PTPRG: variants seen among roughly 807,000 people sequenced by gnomAD.
PTPRG encodes the protein receptor-type tyrosine-protein phosphatase gamma.
A neutral mutation model predicts 165.3 loss-of-function variants in PTPRG; 102 were observed. The ratio of observed to expected loss-of-function variants is 0.62; its 90% CI spans 0.53 to 0.73. PTPRG has a LOEUF of 0.73. Among genes scored for constraint, PTPRG ranks in the 30% least tolerant of loss-of-function variants. The pLI, the probability that PTPRG is intolerant of heterozygous loss-of-function variation, is 0.00. For missense variants in PTPRG, 1,866 were observed against 1,861.4 expected (o/e 1.00, Z -0.05); for synonymous variants, 675 against 669.5 (o/e 1.01, Z -0.13).
intron 1 of PTPRG, among the ~76,000 whole-genome samples, chr3:61,586,118 T>C (rs1300937350): frequency 6.6e-6 from 1 of 152,250 alleles, no homozygotes; most frequent in Non-Finnish European, 1.5e-5. Context: ...GTTTTGCTAG[T>C]ATGGATTTTG....
chr3:62,218,832 G>T lies in PTPRG; in HGVS notation c.2156-19G>T, dbSNP rs375050134. On this transcript the variant is annotated intron_variant, in intron 12 of 29. Transcript: ENST00000474889. The stretch of plus-strand genomic sequence containing the variant: ...TCCACTAACCTCTGTCCTCTAACTG[G>T]GATGATTTCTCTTGGCAGCGGAAAA... 6.2e-7 allele frequency: 1 copy of T among 1,609,744 alleles called. No homozygotes were observed. Among genetic ancestry groups the T allele is most frequent in the African/African-American group, 1.3e-5 (1 of 74,924 alleles).
At chr3:61,749,353 C>T (rs2033341538) in intron 2 of PTPRG, 7 of 354,826 alleles carry the variant, frequency 2.0e-5, no homozygotes, top group South Asian at 1.5e-4. Context: ...TAAATGTCTG[C>T]TAAACATTAC....
At chr3:62,123,178 A>C (rs1360798507) in intron 5 of PTPRG, among the ~76,000 whole-genome samples, 1 of 152,206 alleles carries the variant, frequency 6.6e-6, no homozygotes, top group African/African-American at 2.4e-5. Flanking sequence ...CGAAAGTTCA[A>C]CTGGGGAATG....
chr3:62,276,156 G>GGT (rs1280926778), intron 24 of PTPRG, among the ~76,000 whole-genome samples, 190 bp downstream of exon 24: 2 of 151,994 alleles, frequency 1.3e-5, no homozygotes, highest in East Asian at 3.9e-4. Context: ...CCTCTTACCT[G>GGT]GTACTACCAA....
chr3:61,955,520 A>G (rs1039810998), intron 2 of PTPRG, among the ~76,000 whole-genome samples: 2 of 152,250 alleles, frequency 1.3e-5, no homozygotes, highest in Non-Finnish European at 2.9e-5. Flanking sequence ...ATAAAATTGC[A>G]TAAAAGTACA....
At chr3:61,889,812 T>C (rs560682776) in intron 2 of PTPRG, among the ~76,000 whole-genome samples, 4 of 152,334 alleles carry the variant, frequency 2.6e-5, no homozygotes, top group Non-Finnish European at 5.9e-5. Flanking sequence ...CTTCTTGTTA[T>C]TTTAATGTTT....
chr3:61,971,740 G>T (rs1262056790), intron 2 of PTPRG, among the ~76,000 whole-genome samples: 5 of 152,178 alleles, frequency 3.3e-5, no homozygotes, highest in East Asian at 1.9e-4. Flanking sequence ...AGTGATGGTC[G>T]TACAACTCTG....
chr3:62,143,171 G>A (rs1196102686), intron 6 of PTPRG, among the ~76,000 whole-genome samples: 1 of 152,276 alleles, frequency 6.6e-6, no homozygotes, highest in East Asian at 1.9e-4. Context: ...TATTGAACAG[G>A]ACCATAATCT....
chr3:62,083,021 T>C (rs1701631137), intron 5 of PTPRG, among the ~76,000 whole-genome samples: 1 of 152,200 alleles, frequency 6.6e-6, no homozygotes, highest in Non-Finnish European at 1.5e-5. Context: ...ATTTAAAACA[T>C]AAATTTAAAA....
intron 1 of PTPRG, among the ~76,000 whole-genome samples, chr3:61,628,264 TTC>T (rs755202607): frequency 2.0e-5 from 3 of 152,192 alleles, no homozygotes; most frequent in Non-Finnish European, 4.4e-5. Context: ...CTTGTAATTT[TTC>T]TCTTTTCTAG....
chr3:62,070,351 C>T (rs1235648177), intron 4 of PTPRG, among the ~76,000 whole-genome samples: 2 of 152,216 alleles, frequency 1.3e-5, no homozygotes, highest in Non-Finnish European at 2.9e-5. Context: ...CTTGAGCCCT[C>T]CTTGCCACTG....
chr3:61,695,233 A>G (rs2106677518), intron 1 of PTPRG, among the ~76,000 whole-genome samples: 1 of 151,248 alleles, frequency 6.6e-6, no homozygotes, highest in East Asian at 1.9e-4. Flanking sequence ...CTGGTCTCGA[A>G]CTCCCGACCT....
intron 1 of PTPRG, among the ~76,000 whole-genome samples, chr3:61,711,210 T>C (rs999216908): frequency 6.6e-6 from 1 of 152,176 alleles, no homozygotes; most frequent in African/African-American, 2.4e-5. Context: ...TTTGCTATGG[T>C]GAATAGTGCC....
intron 2 of PTPRG, among the ~76,000 whole-genome samples, chr3:61,759,394 C>T (rs927829416): frequency 1.3e-5 from 2 of 152,150 alleles, no homozygotes; most frequent in African/African-American, 4.8e-5. Flanking sequence ...GTGGCTCACA[C>T]CTGTAATCTC....
intron 9 of PTPRG, 47 bp downstream of exon 9, chr3:62,191,700 C>A (rs1289858291): frequency 1.3e-6 from 2 of 1,549,210 alleles, no homozygotes; most frequent in African/African-American, 2.7e-5. Flanking sequence ...CAGAGAGGGA[C>A]TCCTGCTGCA....
chr3:61,941,975 A>G (rs1022314476), intron 2 of PTPRG, among the ~76,000 whole-genome samples: 1 of 151,858 alleles, frequency 6.6e-6, no homozygotes. Context: ...TCTGGCCATC[A>G]TGGTGAAACC....
At chr3:61,885,411 T>G (rs1260402799) in intron 2 of PTPRG, among the ~76,000 whole-genome samples, 1 of 151,884 alleles carries the variant, frequency 6.6e-6, no homozygotes, top group Non-Finnish European at 1.5e-5. Flanking sequence ...GGTGTTTTTT[T>G]TTTAATTTCT....
At chr3:62,067,701 G>C (rs6780282) in intron 4 of PTPRG, among the ~76,000 whole-genome samples, 1 of 152,068 alleles carries the variant, frequency 6.6e-6, no homozygotes. Context: ...CCTTGCATGC[G>C]CAGTTCATAA....
intron 1 of PTPRG, among the ~76,000 whole-genome samples, chr3:61,718,058 TG>T (rs2031884361): frequency 6.6e-6 from 1 of 151,976 alleles, no homozygotes; most frequent in Non-Finnish European, 1.5e-5. Context: ...TGCGGGCACC[TG>T]TAGTCCCAGC....
Sources: allele counts gnomAD v4.1 joint callset (sites outside exome capture counted in the v4.1 genomes callset), GRCh38; gene constraint gnomAD v4.1.1; transcripts MANE v1.5; gene names NCBI Gene and HGNC (gene_info 2026-07-23, HGNC 2026-07-21).